The following WWOX variants were observed in gnomAD, a reference collection of about 807,000 sequenced individuals.
WWOX encodes the protein WW domain-containing oxidoreductase.
A neutral mutation model predicts 46.2 loss-of-function variants in WWOX; 69 were observed. The observed-to-expected ratio is 1.49, with a 90% CI of 1.23 to 1.82. WWOX has a LOEUF of 1.82. WWOX is among the 40% of genes most tolerant of loss of function. The pLI, the probability that WWOX is intolerant of heterozygous loss-of-function variation, is 0.00. For synonymous variants in WWOX, 359 were observed against 202.6 expected (o/e 1.77, Z -6.56); for missense variants, 919 against 542.6 (o/e 1.69, Z -6.89).
At chr16:78,670,103 T>C (rs1015688980) in intron 8 of WWOX, among the ~76,000 whole-genome samples, 5 of 151,914 alleles carry the variant, frequency 3.3e-5, no homozygotes, top group African/African-American at 1.2e-4. Context: ...GGAAGCTCCA[T>C]CTTTGTTGTG....
At chr16:79,078,692 G>C (rs557220278) in intron 8 of WWOX, among the ~76,000 whole-genome samples, 2 of 152,290 alleles carry the variant, frequency 1.3e-5, no homozygotes, top group East Asian at 3.9e-4. Context: ...TAAAGGACTT[G>C]ATGGATAAAG....
At chr16:79,000,783 A>G (rs1361495552) in intron 8 of WWOX, among the ~76,000 whole-genome samples, 1 of 152,066 alleles carries the variant, frequency 6.6e-6, no homozygotes, top group Non-Finnish European at 1.5e-5. Flanking sequence ...CCTATAATAT[A>G]CCCTCTAAAA....
chr16:78,703,867 T>A (rs922940374), intron 8 of WWOX, among the ~76,000 whole-genome samples: 1 of 152,194 alleles, frequency 6.6e-6, no homozygotes, highest in Non-Finnish European at 1.5e-5. Context: ...TTCTGAACTA[T>A]GACTCTGATC....
At chr16:78,976,130 A>T (rs12918211) in intron 8 of WWOX, among the ~76,000 whole-genome samples, 57,586 of 152,122 alleles carry the variant, frequency 0.38, 11,873 homozygotes, top group Admixed American at 0.47. Flanking sequence ...TCCATCCTCG[A>T]ATATCCTGCA....
At chr16:78,363,866 C>T (rs571615958) in intron 5 of WWOX, among the ~76,000 whole-genome samples, 7 of 152,280 alleles carry the variant, frequency 4.6e-5, no homozygotes, top group African/African-American at 1.7e-4. Context: ...GAGTTCGAGG[C>T]AGGGCCTGGA....
intron 8 of WWOX, among the ~76,000 whole-genome samples, chr16:79,160,690 C>G (rs1356818040): frequency 1.3e-5 from 2 of 152,084 alleles, no homozygotes; most frequent in African/African-American, 4.8e-5. Context: ...ACAATCTTGG[C>G]AGATACTTAG....
At chr16:78,752,257 G>C (rs1467010434) in intron 8 of WWOX, among the ~76,000 whole-genome samples, 2 of 152,172 alleles carry the variant, frequency 1.3e-5, no homozygotes, top group Non-Finnish European at 2.9e-5. Context: ...GTCAGTGTTA[G>C]AGACTATCAG....
intron 5 of WWOX, among the ~76,000 whole-genome samples, chr16:78,241,846 C>T (rs529860853): frequency 6.6e-6 from 1 of 152,342 alleles, no homozygotes; most frequent in South Asian, 2.1e-4. Context: ...TGCTCCCCTT[C>T]TTGTCCATCA....
chr16:78,115,256 A>T (rs1344418413), intron 4 of WWOX, 102 bp downstream of exon 4: 6 of 1,364,806 alleles, frequency 4.4e-6, no homozygotes, highest in Admixed American at 1.8e-5. Flanking sequence ...TGATTTAAAC[A>T]TGACTTTTAT....
chr16:78,538,504 G>T (rs754801769), intron 8 of WWOX, among the ~76,000 whole-genome samples: 1 of 152,102 alleles, frequency 6.6e-6, no homozygotes, highest in Non-Finnish European at 1.5e-5. Context: ...CCGTGCCTTT[G>T]TCTGTAGCCT....
At chr16:78,247,163 C>T (rs919369158) in intron 5 of WWOX, among the ~76,000 whole-genome samples, 4 of 151,790 alleles carry the variant, frequency 2.6e-5, no homozygotes, top group African/African-American at 4.8e-5. Context: ...TTGTTGAGTG[C>T]AGTGTGTAAA....
chr16:78,528,502 G>T (rs1426143874), intron 8 of WWOX, among the ~76,000 whole-genome samples: 1 of 152,070 alleles, frequency 6.6e-6, no homozygotes, highest in African/African-American at 2.4e-5. Flanking sequence ...GATTCATGAT[G>T]ACTTTAAAAT....
At chr16:78,637,071 A>C (rs1375739240) in intron 8 of WWOX, among the ~76,000 whole-genome samples, 3 of 152,236 alleles carry the variant, frequency 2.0e-5, no homozygotes, top group African/African-American at 7.2e-5. Flanking sequence ...AATGTGGACT[A>C]ATGAAAAATA....
chr16:78,100,131 A>G, intron 1 of WWOX: 1 of 1,337,898 alleles, frequency 7.5e-7, no homozygotes, highest in Non-Finnish European at 9.6e-7. Context: ...AGGATGCAGC[A>G]CTGCGCGGCG....
chr16:79,094,546 C>G (rs564881490), intron 8 of WWOX, among the ~76,000 whole-genome samples: 2 of 152,308 alleles, frequency 1.3e-5, no homozygotes, highest in South Asian at 4.1e-4. Flanking sequence ...GCCACCGCAC[C>G]AGGCCATTTC....
chr16:79,172,586 C>G (rs1039417472), intron 8 of WWOX, among the ~76,000 whole-genome samples: 1 of 152,142 alleles, frequency 6.6e-6, no homozygotes, highest in African/African-American at 2.4e-5. Flanking sequence ...TGTGGAGCCT[C>G]TTTAGGAGTG....
intron 8 of WWOX, among the ~76,000 whole-genome samples, chr16:78,511,161 A>G (rs900928870): frequency 5.9e-5 from 9 of 152,186 alleles, no homozygotes; most frequent in East Asian, 5.8e-4. Flanking sequence ...AACCGCCTGT[A>G]CAAAAATCGG....
chr16:78,631,595 G>T (rs1597372825), intron 8 of WWOX, among the ~76,000 whole-genome samples: 1 of 146,994 alleles, frequency 6.8e-6, no homozygotes, highest in East Asian at 2.0e-4. Flanking sequence ...GTCTAGCACA[G>T]TGGCACGATT....
At chr16:78,275,816 G>C (rs1043943850) in intron 5 of WWOX, among the ~76,000 whole-genome samples, 2 of 152,138 alleles carry the variant, frequency 1.3e-5, no homozygotes, top group African/African-American at 4.8e-5. Context: ...AACCAGTTTG[G>C]GTGAATTTCT....
Sources: gnomAD v4.1 joint callset for allele counts (sites outside exome capture counted in the v4.1 genomes callset) on GRCh38, gnomAD v4.1.1 for gene constraint, MANE v1.5 for transcripts, NCBI Gene and HGNC (gene_info 2026-07-23, HGNC 2026-07-21) for gene names.